ALMS1: variants seen among roughly 807,000 people sequenced by gnomAD.
ALMS1 encodes the protein centrosome-associated protein ALMS1.
In ALMS1, 271 loss-of-function variants were observed where a neutral mutation model predicts 352.2. That is an observed-to-expected ratio of 0.77 (90% CI 0.70 to 0.85). The LOEUF is 0.85. ALMS1 is among the 40% of genes least tolerant of loss of function. The pLI, the probability that ALMS1 is intolerant of heterozygous loss-of-function variation, is 0.00. For synonymous variants in ALMS1, 1,865 were observed against 1,761.2 expected, an observed-to-expected ratio of 1.06 and a Z score of -1.48; for missense variants, 5,445 against 4,870.7, an observed-to-expected ratio of 1.12 and a Z score of -3.51.
At chr2:73,547,861 T>C (rs1212875814) in intron 12 of ALMS1, among the ~76,000 whole-genome samples, 1 of 152,050 alleles carries the variant, frequency 6.6e-6, no homozygotes, top group Non-Finnish European at 1.5e-5. Context: ...CCAGAGATGG[T>C]AGCATGAGTA....
chr2:73,425,413 C>T (rs1671360209), intron 5 of ALMS1, among the ~76,000 whole-genome samples: 1 of 152,150 alleles, frequency 6.6e-6, no homozygotes, highest in Non-Finnish European at 1.5e-5. Flanking sequence ...GTTTCAGAAG[C>T]ACATGTACTC....
chr2:73,411,593 C>T (rs766645144), intron 2 of ALMS1, among the ~76,000 whole-genome samples: 4 of 152,178 alleles, frequency 2.6e-5, no homozygotes, highest in Non-Finnish European at 4.4e-5. Flanking sequence ...CACTTCATTT[C>T]ATCCTTTACG....
chr2:73,404,719 A>G (rs537417898), intron 1 of ALMS1, among the ~76,000 whole-genome samples: 11 of 151,944 alleles, frequency 7.2e-5, no homozygotes, highest in African/African-American at 1.7e-4. Context: ...CGTCGGGGAT[A>G]CTGGTTTATA....
At chr2:73,430,655 C>T (rs1671481847) in intron 6 of ALMS1, among the ~76,000 whole-genome samples, 1 of 152,106 alleles carries the variant, frequency 6.6e-6, no homozygotes. Flanking sequence ...TGTTTAGATA[C>T]ACAAATGCCA....
At chr2:73,519,687 A>C in intron 10 of ALMS1, 88 bp from the exon 11 acceptor site, 2 of 1,561,558 alleles carry the variant, frequency 1.3e-6, no homozygotes, top group East Asian at 4.5e-5. Context: ...AGCTACTTAA[A>C]TATTCCTTGA....
chr2:73,553,467 T>C (rs1299066101), intron 13 of ALMS1, among the ~76,000 whole-genome samples: 2 of 152,176 alleles, frequency 1.3e-5, no homozygotes, highest in Admixed American at 6.5e-5. Context: ...TGTGATTGAC[T>C]ATACTTAGAG....
intron 7 of ALMS1, among the ~76,000 whole-genome samples, chr2:73,440,580 C>T (rs1413781839): frequency 1.3e-5 from 2 of 151,400 alleles, no homozygotes; most frequent in African/African-American, 4.9e-5. Flanking sequence ...TGTGCTACCA[C>T]GCCCAGCTAA....
chr2:73,476,398 C>CT (rs1558661144), intron 9 of ALMS1, among the ~76,000 whole-genome samples: 2 of 152,156 alleles, frequency 1.3e-5, no homozygotes, highest in East Asian at 3.9e-4. Flanking sequence ...GCTTTCACTT[C>CT]TTTTGGGTAC....
chr2:73,503,961 T>A (rs1572979314), intron 10 of ALMS1, among the ~76,000 whole-genome samples: 1 of 152,318 alleles, frequency 6.6e-6, no homozygotes, highest in East Asian at 1.9e-4. Context: ...ATCTTATTCA[T>A]CAGCAAACTT....
chr2:73,476,738 T>C (rs1289371757), intron 9 of ALMS1, among the ~76,000 whole-genome samples: 1 of 152,060 alleles, frequency 6.6e-6, no homozygotes, highest in Non-Finnish European at 1.5e-5. Flanking sequence ...TGTCTATTAT[T>C]TTTGCCTATC....
At chr2:73,506,363 A>G (rs1046956753) in intron 10 of ALMS1, among the ~76,000 whole-genome samples, 5 of 152,182 alleles carry the variant, frequency 3.3e-5, no homozygotes, top group African/African-American at 1.2e-4. Flanking sequence ...CATTGAATCT[A>G]TAAATTACTT....
intron 13 of ALMS1, among the ~76,000 whole-genome samples, chr2:73,551,781 A>G (rs1674441109): frequency 6.6e-6 from 1 of 151,964 alleles, no homozygotes; most frequent in East Asian, 1.9e-4. Context: ...CCCTGCCATT[A>G]TACTTTTGTA....
At position 73,451,469 on chromosome 2, in the gene ALMS1, C is replaced by A. The variant is rs754804407; in HGVS notation, c.4942C>A (p.Pro1648Thr). 5.6e-6 allele frequency: 9 copies of A among 1,613,976 alleles called. No individual in the cohort carries two copies. The Admixed American group carries it at 1.3e-4, about 24-fold the overall frequency. The stretch of plus-strand genomic sequence containing the variant: ...AGAGGTTGTGAAAGTTTCAGCTGCT[C>A]CTGGACCAGCTGACCAGAAGACTGA... ...NKEVVKVSAA[P>T]GPADQKTETL... Residue 1648 changes from proline (P) to threonine (T), a missense_variant, in exon 8 of 23, where the codon CCT becomes ACT. Transcript: ENST00000613296.
intron 10 of ALMS1, among the ~76,000 whole-genome samples, chr2:73,494,891 A>T (rs1292450530): frequency 6.6e-6 from 1 of 152,146 alleles, no homozygotes; most frequent in Non-Finnish European, 1.5e-5. Context: ...TTTGACTACT[A>T]ATTTTAGCAT....
intron 8 of ALMS1, 26 bp from the exon 9 acceptor site, chr2:73,455,136 A>G: frequency 2.5e-6 from 4 of 1,612,636 alleles, no homozygotes; most frequent in Non-Finnish European, 3.4e-6. Context: ...GCATTGTATT[A>G]TCTCAAGTGT....
chr2:73,410,370 T>C (rs1015072588), intron 2 of ALMS1, among the ~76,000 whole-genome samples: 25 of 151,928 alleles, frequency 1.6e-4, no homozygotes, highest in African/African-American at 5.3e-4. Context: ...TCCTGGGCGA[T>C]GGAGCAAGAC....
At chr2:73,431,264 T>C (rs1671493888) in intron 6 of ALMS1, among the ~76,000 whole-genome samples, 1 of 152,158 alleles carries the variant, frequency 6.6e-6, no homozygotes, top group Admixed American at 6.6e-5. Context: ...GCAGTAGATG[T>C]AGATATAGAA....
chr2:73,522,256 C>T (rs1673696529), intron 11 of ALMS1, among the ~76,000 whole-genome samples: 2 of 152,168 alleles, frequency 1.3e-5, no homozygotes, highest in South Asian at 2.1e-4. Flanking sequence ...TAATTTTCTC[C>T]AACCTGTGAA....
At chr2:73,427,233 C>A (rs553760858) in intron 6 of ALMS1, among the ~76,000 whole-genome samples, 3 of 152,262 alleles carry the variant, frequency 2.0e-5, no homozygotes, top group African/African-American at 7.2e-5. Context: ...TTAAGTATTT[C>A]TGTTTAGAAG....
Sources: gnomAD v4.1 joint callset for allele counts (sites outside exome capture counted in the v4.1 genomes callset) on GRCh38, gnomAD v4.1.1 for gene constraint, MANE v1.5 for transcripts, NCBI Gene and HGNC (gene_info 2026-07-23, HGNC 2026-07-21) for gene names.